The following SH3PXD2A variants were observed in gnomAD, a reference collection of about 807,000 sequenced individuals.
SH3PXD2A encodes SH3 and PX domains 2A.
SH3PXD2A carries 32 observed loss-of-function variants against 115.2 expected under a neutral mutation model. That is an observed-to-expected ratio of 0.28 (90% CI 0.21 to 0.37). SH3PXD2A has a LOEUF of 0.37. SH3PXD2A is among the 10% of genes least tolerant of loss of function. The pLI, the probability that SH3PXD2A is intolerant of heterozygous loss-of-function variation, is 1.00. For synonymous variants in SH3PXD2A, 610 were observed against 629.1 expected (o/e 0.97, Z 0.45); for missense variants, 1,328 against 1,498.7 (o/e 0.89, Z 1.88).
chr10:103,784,693 G>GTGAGGAGGTGCAGT lies in SH3PXD2A; in HGVS notation c.153+16588_153+16589insACTGCACCTCCTCA, dbSNP rs1214766639. Among the ~76,000 whole-genome samples the GTGAGGAGGTGCAGT allele has an allele frequency of 6.6e-6, 1 of 152,078 alleles. No individual in the cohort carries two copies. The highest frequency in any genetic ancestry group is 2.4e-5 in the African/African-American group (1 of 41,408). ...ACTCGGGGGGTGCAGTGAGGAGGCA[G>GTGAGGAGGTGCAGT]GAGGATGGGTCTGCTGGGGTGGAGG... On this transcript the variant is annotated intron_variant, in intron 2 of 14. Coordinates refer to ENST00000369774, the MANE Select transcript of SH3PXD2A (RefSeq NM_001394015.1). The surrounding 1 kb of genome is among the most constrained non-coding windows in gnomAD (Gnocchi z 4.4).
chr10:103,656,876 G>A (rs574172181), intron 8 of SH3PXD2A, among the ~76,000 whole-genome samples: 1 of 150,758 alleles, frequency 6.6e-6, no homozygotes, highest in African/African-American at 2.4e-5. Context: ...AGACAGAGAA[G>A]CTGCTTTGGC....
chr10:103,601,994 T>C lies in SH3PXD2A; in HGVS notation c.3224A>G (p.Asp1075Gly). Reference protein sequence around the residue: ...KSQFIHNNLKDVYVSIADYEG... With the variant: ...KSQFIHNNLKGVYVSIADYEG... Reference sequence around the variant, plus strand: ...GTAGTCTGCGATAGAGACGTACACATCTTTGAGGTTATTGTGGATGAACTG... The same window carrying C: ...GTAGTCTGCGATAGAGACGTACACACCTTTGAGGTTATTGTGGATGAACTG... Residue 1075 changes from aspartate (D) to glycine (G), a missense_variant, in exon 15 of 15, where the codon GAT becomes GGT. Physicochemically the swap from Asp to Gly is moderately conservative, Grantham distance 94. Around this residue, in one of 5 missense-constraint regions of SH3PXD2A, gnomAD observed 45 missense variants for 73.6 expected, o/e 0.61. Transcript: ENST00000369774. The C allele has an allele frequency of 6.2e-7, 1 of 1,613,854 alleles. No individual in the cohort carries two copies. Among genetic ancestry groups the C allele is most frequent in the South Asian group, 1.1e-5 (1 of 91,024 alleles).
At position 103,665,107 on chromosome 10, in the gene SH3PXD2A, T is replaced by C. The variant is rs1448958161; in HGVS notation, c.472+3501A>G. ...CTGGCAGAAAGATGAACAGAGGGAC[T>C]CATTGGTTTGTGGTGTCAATATGAA... is the stretch of plus-strand genomic sequence containing the variant. On this transcript the variant is annotated intron_variant, in intron 7 of 14. Coordinates refer to ENST00000369774, the MANE Select transcript of SH3PXD2A (RefSeq NM_001394015.1). The surrounding 1 kb of genome is among the most constrained non-coding windows in gnomAD (Gnocchi z 4.0). 6.6e-6 allele frequency among the ~76,000 whole-genome samples: 1 copy of C among 152,148 alleles called. No homozygotes were observed. Among genetic ancestry groups the C allele is most frequent in the Non-Finnish European group, 1.5e-5 (1 of 68,030 alleles).
rs145493004 is a variant in SH3PXD2A, at chr10:103,746,319, T to TTTTA, written c.230-10515_230-10512dup. ...CCAGAACCATTTCTTTCTTTTTTAT[T>TTTTA]TTTATTTATTTATTTATTGAGACAG... is the stretch of plus-strand genomic sequence containing the variant. On this transcript the variant is annotated intron_variant, in intron 3 of 14. Transcript: ENST00000369774. This position sits in a 1 kb window ranked among gnomAD's most constrained non-coding sequence, Gnocchi z 4.4. Among the ~76,000 whole-genome samples the TTTTA allele has an allele frequency of 2.0e-3, 309 of 152,180 alleles. No homozygotes were observed. Among genetic ancestry groups the TTTTA allele is most frequent in the African/African-American group, 7.0e-3 (292 of 41,512 alleles).
intron 2 of SH3PXD2A, among the ~76,000 whole-genome samples, chr10:103,782,542 T>C (rs2038940667): frequency 6.6e-6 from 1 of 152,312 alleles, no homozygotes; most frequent in African/African-American, 2.4e-5. Context: ...TGCATTCATT[T>C]ATTCATTCAA....
Position 103,834,091 on chromosome 10 carries a change from G to C in SH3PXD2A, c.72+21104C>G, listed in dbSNP as rs140723705. On this transcript the variant is annotated intron_variant, in intron 1 of 14. Coordinates refer to ENST00000369774, the MANE Select transcript of SH3PXD2A (RefSeq NM_001394015.1). ...AGTTCAACACTTCCTGAAAGACCCAGCTCTGGCCAGCTTTAAGGTGCTGGG... is the reference window on the plus strand; with the variant it reads ...AGTTCAACACTTCCTGAAAGACCCACCTCTGGCCAGCTTTAAGGTGCTGGG... 2.6e-3 allele frequency among the ~76,000 whole-genome samples: 399 copies of C among 152,308 alleles called. 1 individual carries two copies. The highest frequency in any genetic ancestry group is 4.4e-3 in the Non-Finnish European group (299 of 68,028).
intron 5 of SH3PXD2A, among the ~76,000 whole-genome samples, chr10:103,697,653 GC>G (rs1310859339): frequency 6.6e-6 from 1 of 152,198 alleles, no homozygotes; most frequent in Non-Finnish European, 1.5e-5. Flanking sequence ...AACTCTCAGA[GC>G]CCCAAAACCA....
chr10:103,745,343 T>G lies in SH3PXD2A; in HGVS notation c.230-9535A>C, dbSNP rs186388908. 4.6e-5 allele frequency among the ~76,000 whole-genome samples: 7 copies of G among 152,374 alleles called. No homozygotes were observed. The East Asian group carries it at 1.2e-3, about 25-fold the overall frequency. ...TTTCCCCTTTTTTCTTAAGCCAGAT[T>G]GAGATGGGTCTATTTCTTGTCACCA... On this transcript the variant is annotated intron_variant, in intron 3 of 14. Transcript: ENST00000369774.
At chr10:103,723,775 G>T (rs967648728) in intron 5 of SH3PXD2A, among the ~76,000 whole-genome samples, 1 of 152,154 alleles carries the variant, frequency 6.6e-6, no homozygotes, top group Non-Finnish European at 1.5e-5. Flanking sequence ...ATACATAAAA[G>T]ATACTGGGTA....
intron 6 of SH3PXD2A, among the ~76,000 whole-genome samples, chr10:103,669,935 C>T (rs541884346): frequency 3.3e-4 from 51 of 152,350 alleles, no homozygotes; most frequent in Non-Finnish European, 6.5e-4. Flanking sequence ...AAACCTACAA[C>T]GATGAGTACT....
chr10:103,747,522 G>A (rs1028193072), intron 3 of SH3PXD2A, among the ~76,000 whole-genome samples: 1 of 152,330 alleles, frequency 6.6e-6, no homozygotes, highest in East Asian at 1.9e-4. Flanking sequence ...ACAGTGTGGG[G>A]GGCTTGGCGA....
At chr10:103,847,187 C>T (rs1191952170) in intron 1 of SH3PXD2A, among the ~76,000 whole-genome samples, 4 of 152,218 alleles carry the variant, frequency 2.6e-5, no homozygotes, top group South Asian at 2.1e-4. Context: ...TTGCTGTTGC[C>T]GAGGCTGGAA....
intron 5 of SH3PXD2A, among the ~76,000 whole-genome samples, chr10:103,696,013 G>T (rs765849109): frequency 5.3e-5 from 8 of 152,210 alleles, no homozygotes; most frequent in Non-Finnish European, 1.2e-4. Flanking sequence ...CCCAGGCCTT[G>T]CTCTGAGGCT....
chr10:103,660,931 C>T, intron 8 of SH3PXD2A, 52 bp downstream of exon 8: 1 of 1,603,350 alleles, frequency 6.2e-7, no homozygotes, highest in Non-Finnish European at 8.5e-7. Flanking sequence ...ACCAGCTCGG[C>T]CCGGGGGCCA....
intron 9 of SH3PXD2A, 143 bp downstream of exon 9, chr10:103,626,945 AC>A (rs1564847764): frequency 1.7e-6 from 1 of 603,196 alleles, no homozygotes; most frequent in African/African-American, 1.9e-5. Flanking sequence ...TTTTGGGCCA[AC>A]CTTACTGAGA....
chr10:103,775,627 G>A (rs899252332), intron 2 of SH3PXD2A, among the ~76,000 whole-genome samples: 2 of 152,184 alleles, frequency 1.3e-5, no homozygotes, highest in Non-Finnish European at 2.9e-5. Context: ...GGAGTGATTT[G>A]CCTTGCTCAC....
At chr10:103,833,873 A>G (rs1031199193) in intron 1 of SH3PXD2A, among the ~76,000 whole-genome samples, 3 of 152,224 alleles carry the variant, frequency 2.0e-5, no homozygotes, top group African/African-American at 7.2e-5. Flanking sequence ...AACTTTCACC[A>G]GAACTTGGTA....
rs1314402158 is a variant in SH3PXD2A at position 103,595,917 on chromosome 10, A to C, written c.*5899T>G. On this transcript the variant is annotated 3_prime_UTR_variant, in exon 15 of 15. Transcript: ENST00000369774. ...TTAACAGTGGGGCTGTTTTTCCCCA[A>C]AGCTGTGGGTCACTGATCCTGTCTT... 1.3e-5 allele frequency: 2 copies of C among 152,588 alleles called. No individual in the cohort carries two copies. Among genetic ancestry groups the C allele is most frequent in the Non-Finnish European group, 2.9e-5 (2 of 68,038 alleles). 9.5% of individuals were successfully genotyped at this position (152,588 alleles called of 1,614,324 possible).
chr10:103,706,630 G>A (rs761888517), intron 5 of SH3PXD2A, among the ~76,000 whole-genome samples: 14 of 152,200 alleles, frequency 9.2e-5, no homozygotes, highest in Non-Finnish European at 1.9e-4. Flanking sequence ...TTATAATCGT[G>A]TTTCCTGAAT....
Sources: allele counts gnomAD v4.1 joint callset (sites outside exome capture counted in the v4.1 genomes callset), GRCh38; gene constraint gnomAD v4.1.1; regional missense constraint gnomAD v4.1.1; non-coding constraint Gnocchi (gnomAD v3.1); transcripts MANE v1.5; gene names NCBI Gene and HGNC (gene_info 2026-07-23, HGNC 2026-07-21).